FIGNL1: variants seen among roughly 807,000 people sequenced by gnomAD.
FIGNL1 encodes fidgetin-like protein 1.
A neutral mutation model predicts 28.9 loss-of-function variants in FIGNL1; 11 were observed. The ratio of observed to expected loss-of-function variants is 0.38; its 90% CI spans 0.24 to 0.63. FIGNL1 has a LOEUF of 0.63. Ranked by LOEUF, FIGNL1 falls within the 20% of genes least tolerant of loss-of-function variation. The probability of loss-of-function intolerance (pLI) is 0.57; values close to 1 mark genes in which losing one functional copy is unlikely to be tolerated. For synonymous variants in FIGNL1, 295 were observed against 276.5 expected, an observed-to-expected ratio of 1.07 and a Z score of -0.66; for missense variants, 789 against 810.4, an observed-to-expected ratio of 0.97 and a Z score of 0.32.
Position 50,446,499 on chromosome 7 carries a change from A to G in FIGNL1, c.789T>C (p.Ser263=), listed in dbSNP as rs1452231024. 1 of 1,614,252 alleles carries G rather than the reference A, an allele frequency of 6.2e-7. No individual in the cohort carries two copies. The highest frequency in any genetic ancestry group is 8.5e-7 in the Non-Finnish European group (1 of 1,180,046). The part of the protein sequence containing the change: ...ENPQRKSFYG[S]GTIDALSNPI... ...GATTGGAAAGTGCATCAATGGTGCC[A>G]GAACCATAAAAAGACTTCCTCTGTG... is the stretch of plus-strand genomic sequence containing the variant. The change falls in exon 4 of 4, where the codon TCT becomes TCC. Residue 263 remains serine, a synonymous_variant. Coordinates refer to ENST00000433017, the MANE Select transcript of FIGNL1 (RefSeq NM_001287492.4).
At position 50,446,394 on chromosome 7, in the gene FIGNL1, T is replaced by A. The variant is rs746434921; in HGVS notation, c.894A>T (p.Ala298=). ...GCTGATCTACCCATAATTGTTCTTT[T>A]GCAGTTTTAAATGTAGGCAGGCTGC... is the stretch of plus-strand genomic sequence containing the variant. ...EDSSLPTFKT[A]KEQLWVDQQK... Residue 298 remains alanine, a synonymous_variant, in exon 4 of 4, where the codon GCA becomes GCT. Transcript: ENST00000433017. 6.2e-7 allele frequency: 1 copy of A among 1,614,156 alleles called. No homozygotes were observed. The highest frequency in any genetic ancestry group is 2.2e-5 in the East Asian group (1 of 44,878).
In FIGNL1 at chr7:50,447,274, C is replaced by T; in HGVS notation, c.14G>A (p.Ser5Asn). 1 of 1,585,428 alleles carries T rather than the reference C, an allele frequency of 6.3e-7. No individual in the cohort carries two copies. The highest frequency in any genetic ancestry group is 8.6e-7 in the Non-Finnish European group (1 of 1,162,222). MQTS[S>N]SRSVHLSEWQ... ...TTCACTCAGGTGCACAGATCTAGAGCTGGAGGTCTGCATTTTAGAGGTTCT... is the reference window on the plus strand; with the variant it reads ...TTCACTCAGGTGCACAGATCTAGAGTTGGAGGTCTGCATTTTAGAGGTTCT... Residue 5 changes from serine to asparagine, a missense_variant, in exon 4 of 4, where the codon AGC (serine) becomes AAC (asparagine). Transcript: ENST00000433017.
Position 50,449,549 on chromosome 7 carries a change from T to C in FIGNL1, c.-551A>G, listed in dbSNP as rs1313421176. The C allele has an allele frequency of 6.6e-6, 1 of 152,176 alleles. No individual in the cohort carries two copies. Among genetic ancestry groups the C allele is most frequent in the African/African-American group, 2.4e-5 (1 of 41,434 alleles). 9.4% of individuals were successfully genotyped at this position (152,176 alleles called of 1,614,324 possible). A position where few individuals can be genotyped will look rare whatever the true frequency, so the allele number is the denominator to read the frequency against. On this transcript the variant is annotated 5_prime_UTR_variant, in exon 2 of 4. Transcript: ENST00000433017. ...AATAGCTACTAAAATACTGACGGAG[T>C]GCCTACTCAGTACCAAGCACTGTGC...
In FIGNL1 at chr7:50,444,480, A is replaced by T. The variant is rs1820279805; in HGVS notation, c.*783T>A. ...ATAGTGTGTCCCGCAAAGTGGTAGGATAATAGTGACTTTTATTCTTTTTAC... is the reference window on the plus strand; with the variant it reads ...ATAGTGTGTCCCGCAAAGTGGTAGGTTAATAGTGACTTTTATTCTTTTTAC... On this transcript the variant is annotated 3_prime_UTR_variant, in exon 4 of 4. Coordinates refer to ENST00000433017, the MANE Select transcript of FIGNL1 (RefSeq NM_001287492.4). The T allele has an allele frequency of 6.6e-6, 1 of 152,258 alleles. No homozygotes were observed. Among genetic ancestry groups the T allele is most frequent in the Admixed American group, 6.5e-5 (1 of 15,286 alleles). The allele number at this position is 152,258 out of a possible 1,614,324, so 9.4% of individuals were successfully genotyped here. A position where few individuals can be genotyped will look rare whatever the true frequency, so the allele number is the denominator to read the frequency against.
chr7:50,447,031 A>G lies in FIGNL1; in HGVS notation c.257T>C (p.Ile86Thr), dbSNP rs762452518. 3.1e-6 allele frequency: 5 copies of G among 1,614,268 alleles called. No homozygotes were observed. The South Asian group carries it at 5.5e-5, about 18-fold the overall frequency. The change falls in exon 4 of 4, where the codon ATT (isoleucine) becomes ACT (threonine). Residue 86 changes from isoleucine to threonine, a missense_variant. By Grantham distance (89) the Ile-to-Thr change is moderately conservative (BLOSUM62 -1). Transcript: ENST00000433017. ...ESGLNNYAEN[I>T]LTLAGSQQTD... ...TTGTTGAGATCCTGCCAAAGTTAAA[A>G]TGTTTTCTGCATAATTATTCAACCC...
chr7:50,447,246 C>T lies in FIGNL1; in HGVS notation c.42G>A (p.Trp14Ter). 1.2e-6 allele frequency: 2 copies of T among 1,610,044 alleles called. No homozygotes were observed. The highest frequency in any genetic ancestry group is 1.1e-5 in the South Asian group (1 of 90,916). The change falls in exon 4 of 4, where the codon TGG becomes TGA. Residue 14 changes from tryptophan (W) to a stop codon, truncating the protein, a stop_gained. Transcript: ENST00000433017. LOFTEE classifies it low-confidence loss of function (END_TRUNC). Reference sequence around the variant, plus strand: ...ATGTAATTGCGAAGTAATTCTTCTGCCATTCACTCAGGTGCACAGATCTAG... The same window carrying T: ...ATGTAATTGCGAAGTAATTCTTCTGTCATTCACTCAGGTGCACAGATCTAG... ...SSSRSVHLSE[W>*]QKNYFAITSG...
In FIGNL1 at chr7:50,445,728, T is replaced by C; in HGVS notation, c.1560A>G (p.Ile520Met). 2 of 1,614,224 alleles carry C rather than the reference T, an allele frequency of 1.2e-6. No homozygotes were observed. The highest frequency in any genetic ancestry group is 1.7e-6 in the Non-Finnish European group (2 of 1,180,048). Residue 520 changes from isoleucine (I) to methionine (M), a missense_variant, in exon 4 of 4, where the codon ATA becomes ATG. Ile to Met is a conservative substitution (Grantham distance 10). Transcript: ENST00000433017. ...GDGEHESSRR[I>M]KTEFLVQLDG... Reference sequence around the variant, plus strand: ...CTAATTGAACTAAAAATTCTGTTTTTATCCTTCTAGAAGATTCATGCTCAC... The same window carrying C: ...CTAATTGAACTAAAAATTCTGTTTTCATCCTTCTAGAAGATTCATGCTCAC...
At position 50,446,720 on chromosome 7, in the gene FIGNL1, G is replaced by C. The variant is rs1311610431; in HGVS notation, c.568C>G (p.Pro190Ala). ...CTAGCAGTGTTAGTCACCATAGGTGGCTGGGCATTCTGAAGGAGTTTCAAA... is the reference window on the plus strand; with the variant it reads ...CTAGCAGTGTTAGTCACCATAGGTGCCTGGGCATTCTGAAGGAGTTTCAAA... ...NRLKLLQNAQPPMVTNTARTC... is the reference protein window; with the variant it reads ...NRLKLLQNAQAPMVTNTARTC... The change falls in exon 4 of 4, where the codon CCA (proline) becomes GCA (alanine). Residue 190 changes from proline to alanine, a missense_variant. Pro to Ala is a conservative substitution (Grantham distance 27, BLOSUM62 -1). Transcript: ENST00000433017. 6.2e-7 allele frequency: 1 copy of C among 1,614,190 alleles called. No individual in the cohort carries two copies.
Position 50,445,361 on chromosome 7 carries a change from C to T in FIGNL1, c.1927G>A (p.Asp643Asn), listed in dbSNP as rs1246566688. 1.2e-6 allele frequency: 2 copies of T among 1,613,970 alleles called. No homozygotes were observed. Among genetic ancestry groups the T allele is most frequent in the South Asian group, 1.1e-5 (1 of 91,046 alleles). The change falls in exon 4 of 4, where the codon GAT (aspartate) becomes AAT (asparagine). Residue 643 changes from aspartate (D) to asparagine (N), a missense_variant. By Grantham distance (23) the Asp-to-Asn change is conservative. Coordinates refer to ENST00000433017, the MANE Select transcript of FIGNL1 (RefSeq NM_001287492.4). ...PDQVRPIAYI[D>N]FENAFRTVRP... is the part of the protein sequence containing the mutation. ...ACAGTTCTAAAAGCATTTTCAAAAT[C>T]AATGTAAGCTATGGGTCGAACTTGA... is the stretch of plus-strand genomic sequence containing the variant.
rs200586199 is a variant in FIGNL1, at chr7:50,447,248, A to G, written c.40T>C (p.Trp14Arg). 1,060 of 1,610,334 alleles carry G rather than the reference A, an allele frequency of 6.6e-4. No individual in the cohort carries two copies. Among genetic ancestry groups the G allele is most frequent in the Non-Finnish European group, 8.1e-4 (957 of 1,176,810 alleles). ...GTAATTGCGAAGTAATTCTTCTGCC[A>G]TTCACTCAGGTGCACAGATCTAGAG... ...SSSRSVHLSEWQKNYFAITSG... is the reference protein window; with the variant it reads ...SSSRSVHLSERQKNYFAITSG... The change falls in exon 4 of 4, where the codon TGG (tryptophan) becomes CGG (arginine). Residue 14 changes from tryptophan to arginine, a missense_variant. By Grantham distance (101) the Trp-to-Arg change is moderately radical. Coordinates refer to ENST00000433017, the MANE Select transcript of FIGNL1 (RefSeq NM_001287492.4).
rs1203378894 is a variant in FIGNL1 at position 50,445,706 on chromosome 7, A to C, written c.1582T>G (p.Leu528Val). 1 of 1,614,166 alleles carries C rather than the reference A, an allele frequency of 6.2e-7. No homozygotes were observed. Among genetic ancestry groups the C allele is most frequent in the East Asian group, 2.2e-5 (1 of 44,890 alleles). ...RRIKTEFLVQ[L>V]DGATTSSEDR... Reference sequence around the variant, plus strand: ...TCAGAAGATGTTGTTGCTCCATCTAATTGAACTAAAAATTCTGTTTTTATC... The same window carrying C: ...TCAGAAGATGTTGTTGCTCCATCTACTTGAACTAAAAATTCTGTTTTTATC... Residue 528 changes from leucine (L) to valine (V), a missense_variant, in exon 4 of 4, where the codon TTA becomes GTA. Physicochemically the swap from Leu to Val is conservative, Grantham distance 32. Transcript: ENST00000433017.
At position 50,445,223 on chromosome 7, in the gene FIGNL1, A is replaced by C. The variant is rs1423030243; in HGVS notation, c.*40T>G. 2 of 1,252,200 alleles carry C rather than the reference A, an allele frequency of 1.6e-6. No individual in the cohort carries two copies. Among genetic ancestry groups the C allele is most frequent in the Non-Finnish European group, 2.2e-6 (2 of 917,278 alleles). 77.6% of individuals were successfully genotyped at this position (1,252,200 alleles called of 1,614,324 possible). A position where few individuals can be genotyped will look rare whatever the true frequency, so the allele number is the denominator to read the frequency against. On this transcript the variant is annotated 3_prime_UTR_variant, in exon 4 of 4. Coordinates refer to ENST00000433017, the MANE Select transcript of FIGNL1 (RefSeq NM_001287492.4). The stretch of plus-strand genomic sequence containing the variant: ...AACTTTCTATGCTAAAAAATAAAGA[A>C]GACTGTACTACAGAGATGCCTTGAT...
intron 3 of FIGNL1, 22 bp from the exon 4 acceptor site, chr7:50,447,319 A>C (rs1821170194): frequency 9.5e-6 from 14 of 1,475,988 alleles, no homozygotes; most frequent in Non-Finnish European, 1.3e-5. Context: ...AATAAAAATG[A>C]AAATCAGTAT....
At chr7:50,448,149 C>G (rs1035625421) in intron 3 of FIGNL1, 32 bp downstream of exon 3, 1 of 152,190 alleles carries the variant, frequency 6.6e-6, no homozygotes, top group Admixed American at 6.5e-5. Context: ...CACAAATGTA[C>G]AAACCGAGGC....
At position 50,445,989 on chromosome 7, in the gene FIGNL1, G is replaced by C. The variant is rs370199035; in HGVS notation, c.1299C>G (p.Pro433=). 6.2e-7 allele frequency: 1 copy of C among 1,614,136 alleles called. No homozygotes were observed. Among genetic ancestry groups the C allele is most frequent in the East Asian group, 2.2e-5 (1 of 44,890 alleles). ...GACCAAAGAGCAAAATTCCTTTAGG[G>C]GGTCCCCTTAAACCAGTAAAGATGT... The part of the protein sequence containing the change: ...RPDIFTGLRG[P]PKGILLFGPP... The change falls in exon 4 of 4, where the codon CCC becomes CCG. Residue 433 remains proline, a synonymous_variant. Coordinates refer to ENST00000433017, the MANE Select transcript of FIGNL1 (RefSeq NM_001287492.4).
In FIGNL1 at chr7:50,445,881, G is replaced by C; in HGVS notation, c.1407C>G (p.Ser469=). Residue 469 remains serine (S), a synonymous_variant, in exon 4 of 4, where the codon TCC becomes TCG. Coordinates refer to ENST00000433017, the MANE Select transcript of FIGNL1 (RefSeq NM_001287492.4). ...CCTCACCTACCCATTTAGAAGTTAA[G>C]GATGAAGCAGAGATGCTAAAGAATG... ...GATFFSISAS[S]LTSKWVGEGE... 1.2e-6 allele frequency: 2 copies of C among 1,614,106 alleles called. No individual in the cohort carries two copies. Among genetic ancestry groups the C allele is most frequent in the Non-Finnish European group, 8.5e-7 (1 of 1,180,032 alleles).
Position 50,446,023 on chromosome 7 carries a change from A to C in FIGNL1, c.1265T>G (p.Leu422Trp), listed in dbSNP as rs146680091. The C allele has an allele frequency of 4.0e-3, 6,433 of 1,614,226 alleles. 19 individuals are homozygous for C. Among genetic ancestry groups the C allele is most frequent in the Non-Finnish European group, 5.1e-3 (6,031 of 1,180,042 alleles). Residue 422 changes from leucine to tryptophan, a missense_variant, in exon 4 of 4, where the codon TTG becomes TGG. Leu to Trp is a moderately conservative substitution (Grantham distance 61). Transcript: ENST00000433017. ...TIKEIVVWPM[L>W]RPDIFTGLRG... is the part of the protein sequence containing the mutation. The stretch of plus-strand genomic sequence containing the variant: ...TAAACCAGTAAAGATGTCTGGCCTC[A>C]ACATGGGCCACACAACTATTTCCTT...
rs1216734611 is a variant in FIGNL1, at chr7:50,446,361, CT to C, written c.926del (p.Lys309SerfsTer16). The part of the protein sequence containing the change: ...KEQLWVDQQK[K>X]YHQPQRASGS... ...CTGATGCACGCTGAGGTTGGTGGTA[CT>C]TTTTTTGCTGATCTACCCATAATTG... On this transcript the variant is annotated frameshift_variant, in exon 4 of 4. Transcript: ENST00000433017. LOFTEE classifies it high-confidence loss of function. 3 of 1,614,074 alleles carry C rather than the reference CT, an allele frequency of 1.9e-6. No individual in the cohort carries two copies. The highest frequency in any genetic ancestry group is 2.5e-6 in the Non-Finnish European group (3 of 1,179,998).
In FIGNL1 at chr7:50,445,918, T is replaced by C. The variant is rs1394995561; in HGVS notation, c.1370A>G (p.Gln457Arg). The C allele has an allele frequency of 1.2e-6, 2 of 1,614,154 alleles. No individual in the cohort carries two copies. Among genetic ancestry groups the C allele is most frequent in the Non-Finnish European group, 8.5e-7 (1 of 1,180,038 alleles). Reference sequence around the variant, plus strand: ...GATGCTAAAGAATGTTGCCCCAGACTGACTAGCAATGCACTTGCCAATTAG... The same window carrying C: ...GATGCTAAAGAATGTTGCCCCAGACCGACTAGCAATGCACTTGCCAATTAG... ...KTLIGKCIAS[Q>R]SGATFFSISA... The change falls in exon 4 of 4, where the codon CAG becomes CGG. Residue 457 changes from glutamine (Q) to arginine (R), a missense_variant. Coordinates refer to ENST00000433017, the MANE Select transcript of FIGNL1 (RefSeq NM_001287492.4).
Sources: gnomAD v4.1 joint callset for allele counts on GRCh38, gnomAD v4.1.1 for gene constraint, MANE v1.5 for transcripts, NCBI Gene and HGNC (gene_info 2026-07-23, HGNC 2026-07-21) for gene names.